The following FAM53A variants were observed in gnomAD, a reference collection of about 807,000 sequenced individuals.
FAM53A encodes family with sequence similarity 53 member A, also known as protein FAM53A.
Under a neutral mutation model 26.6 loss-of-function variants are expected in FAM53A, and 28 were observed. The ratio of observed to expected loss-of-function variants is 1.05; its 90% confidence interval spans 0.78 to 1.45. The LOEUF is 1.45. FAM53A is among the 40% of genes most tolerant of loss of function. FAM53A has a pLI of 0.00. For missense variants in FAM53A, 650 were observed against 575.8 expected (o/e 1.13, Z -1.32); for synonymous variants, 290 against 253.1 (o/e 1.15, Z -1.38).
intron 2 of FAM53A, among the ~76,000 whole-genome samples, chr4:1,668,288 T>C (rs1419232725): frequency 2.0e-5 from 3 of 151,936 alleles, no homozygotes; most frequent in African/African-American, 4.8e-5. Flanking sequence ...TACAGGCGCC[T>C]GCTACCGTGC....
chr4:1,607,824 C>T, the FAM53A span, among the ~76,000 whole-genome samples: 1 of 152,106 alleles, frequency 6.6e-6, no homozygotes, highest in African/African-American at 2.4e-5. Context: ...CCTGTAATCC[C>T]AGCTACTCGG....
intron 4 of FAM53A, among the ~76,000 whole-genome samples, chr4:1,650,795 G>A (rs868014515): frequency 6.6e-6 from 1 of 151,124 alleles, no homozygotes; most frequent in South Asian, 2.1e-4. Context: ...TACACCCGGC[G>A]GGTTTTGTTT....
At chr4:1,644,261 G>A in intron 4 of FAM53A, 1 of 1,536,022 alleles carries the variant, frequency 6.5e-7, no homozygotes, top group African/African-American at 1.4e-5. Context: ...CCTCTGGACT[G>A]ACTGCTCGGA....
the FAM53A span, among the ~76,000 whole-genome samples, chr4:1,590,972 A>ATG: frequency 8.2e-6 from 1 of 121,560 alleles, no homozygotes. Context: ...ATATATATAT[A>ATG]TATATATATA....
downstream of FAM53A, among the ~76,000 whole-genome samples, chr4:1,614,926 C>T (rs564800857): frequency 2.2e-4 from 33 of 152,336 alleles, 1 homozygote; most frequent in South Asian, 3.7e-3. Flanking sequence ...CATTTCAGCA[C>T]CGGGCACAGG....
chr4:1,636,287 A>G (rs1404050355), downstream of FAM53A, among the ~76,000 whole-genome samples: 1 of 152,156 alleles, frequency 6.6e-6, no homozygotes, highest in Non-Finnish European at 1.5e-5. Flanking sequence ...CCTCCGCTCA[A>G]GCCCAGGAGC....
chr4:1,621,961 T>C (rs1490046157), intron 1 of FAM53A, among the ~76,000 whole-genome samples: 1 of 152,136 alleles, frequency 6.6e-6, no homozygotes, highest in Non-Finnish European at 1.5e-5. Context: ...ACCGCATTCA[T>C]GAACGAATCG....
chr4:1,635,831 T>C (rs536743018), downstream of FAM53A, among the ~76,000 whole-genome samples: 48 of 147,206 alleles, frequency 3.3e-4, no homozygotes, highest in Middle Eastern at 0.017. Flanking sequence ...TGTATAATAC[T>C]AATTCTTTTT....
chr4:1,628,977 T>C lies in FAM53A; in HGVS notation c.432-10866A>G, dbSNP rs531877339. On this transcript the variant is annotated intron_variant, in intron 1 of 1. Transcript: ENST00000489029. ...CTTCTCCCCTGGGGCCCTGTGTGCC[T>C]TAAATCCACGATGAGTCCCCGTGAC... Among the ~76,000 whole-genome samples, 32 of 151,924 alleles carry C rather than the reference T, an allele frequency of 2.1e-4. No individual in the cohort carries two copies. In the East Asian group the frequency reaches 6.0e-3, roughly 29 times the overall value.
At chr4:1,679,516 T>C (rs1442518385) in intron 1 of FAM53A, among the ~76,000 whole-genome samples, 1 of 147,318 alleles carries the variant, frequency 6.8e-6, no homozygotes, top group African/African-American at 2.5e-5. Context: ...TGAAACCCCA[T>C]CTCTACTAAA....
At chr4:1,620,157 A>C (rs1333506428) in intron 1 of FAM53A, among the ~76,000 whole-genome samples, 2 of 151,796 alleles carry the variant, frequency 1.3e-5, no homozygotes, top group Non-Finnish European at 2.9e-5. Context: ...CAGTGAGCTG[A>C]GATCGTGCCA....
At chr4:1,642,869 G>T (rs1207611104) in intron 4 of FAM53A, among the ~76,000 whole-genome samples, 1 of 152,234 alleles carries the variant, frequency 6.6e-6, no homozygotes, top group African/African-American at 2.4e-5. Flanking sequence ...CGTGGCTCAG[G>T]CTTGTGAGGG....
At chr4:1,579,629 GC>G in the FAM53A span, among the ~76,000 whole-genome samples, 3 of 152,188 alleles carry the variant, frequency 2.0e-5, no homozygotes, top group Non-Finnish European at 2.9e-5. Flanking sequence ...AGGGGGTGGG[GC>G]TGCCTCCCAG....
intron 4 of FAM53A, among the ~76,000 whole-genome samples, chr4:1,652,356 TCA>T (rs1208550586): frequency 9.4e-6 from 1 of 106,374 alleles, no homozygotes; most frequent in Non-Finnish European, 1.9e-5. Context: ...ACACCACACG[TCA>T]CACGCACAAC....
chr4:1,641,386 G>T lies in FAM53A; in HGVS notation c.1104C>A (p.Ser368Arg), dbSNP rs762009470. The T allele has an allele frequency of 2.5e-6, 4 of 1,610,956 alleles. No individual in the cohort carries two copies. Among genetic ancestry groups the T allele is most frequent in the Non-Finnish European group, 3.4e-6 (4 of 1,179,126 alleles). The change falls in exon 5 of 5, where the codon AGC (serine) becomes AGA (arginine). Residue 368 changes from serine to arginine, a missense_variant. By Grantham distance (110) the Ser-to-Arg change is moderately radical. Transcript: ENST00000308132. ...CACTGTCCCCATCACGGGGGTCCCCGCTGCTCCTGCGGGAGCCATCACTGG... is the reference window on the plus strand; with the variant it reads ...CACTGTCCCCATCACGGGGGTCCCCTCTGCTCCTGCGGGAGCCATCACTGG... ...SVTSDGSRRS[S>R]GDPRDGDSVG... is the part of the protein sequence containing the mutation.
At chr4:1,646,869 C>T (rs1186430139) in intron 4 of FAM53A, among the ~76,000 whole-genome samples, 1 of 152,188 alleles carries the variant, frequency 6.6e-6, no homozygotes, top group Non-Finnish European at 1.5e-5. Flanking sequence ...CAGCTGAGCG[C>T]CTTCTCTACG....
chr4:1,585,663 G>C, the FAM53A span, among the ~76,000 whole-genome samples: 4 of 152,116 alleles, frequency 2.6e-5, no homozygotes, highest in Non-Finnish European at 4.4e-5. Context: ...TTGTCTTTCT[G>C]TGCCTAGCTT....
In FAM53A at chr4:1,655,700, T is replaced by G. The variant is rs1200418535; in HGVS notation, c.160A>C (p.Ser54Arg). 1.3e-6 allele frequency: 2 copies of G among 1,587,296 alleles called. No individual in the cohort carries two copies. Among genetic ancestry groups the G allele is most frequent in the Non-Finnish European group, 1.7e-6 (2 of 1,172,422 alleles). ...TGGCTTCTGACGGGCGGTCCTCCAC[T>G]GAAGACCTTCCAGGGACTCTGGTCT... ...LNDQSPWKVF[S>R]GGPPVRSQAA... The change falls in exon 4 of 5, where the codon AGT becomes CGT. Residue 54 changes from serine (S) to arginine (R), a missense_variant. Ser to Arg is a moderately radical substitution (Grantham distance 110, BLOSUM62 -1). Coordinates refer to ENST00000308132, the MANE Select transcript of FAM53A (RefSeq NM_001174070.3).
chr4:1,671,221 C>T (rs1714627801), intron 1 of FAM53A, among the ~76,000 whole-genome samples: 1 of 150,694 alleles, frequency 6.6e-6, no homozygotes, highest in Non-Finnish European at 1.5e-5. Context: ...ACCGTCAGAG[C>T]CCCCAGCTCA....
Sources: gnomAD v4.1 joint callset for allele counts (sites outside exome capture counted in the v4.1 genomes callset) on GRCh38, gnomAD v4.1.1 for gene constraint, MANE v1.5 for transcripts, NCBI Gene and HGNC (gene_info 2026-07-23, HGNC 2026-07-21) for gene names.